Variants in BICRAL observed in about 807,000 individuals in gnomAD.
The protein encoded by BICRAL is BICRA like chromatin remodeling complex associated protein.
In BICRAL, 8 loss-of-function variants were observed where a neutral mutation model predicts 91.8. The ratio of observed to expected loss-of-function variants is 0.09; its 90% CI spans 0.05 to 0.16. BICRAL has a LOEUF of 0.16. BICRAL is among the 10% of genes least tolerant of loss of function. The pLI is 1.00. For synonymous variants in BICRAL, 445 were observed against 491.1 expected (o/e 0.91, Z 1.24); for missense variants, 1,038 against 1,310.9 (o/e 0.79, Z 3.21).
intron 6 of BICRAL, among the ~76,000 whole-genome samples, chr6:42,841,276 C>T (rs1764790918): frequency 6.7e-6 from 1 of 149,830 alleles, no homozygotes. Flanking sequence ...GCAACCTCCA[C>T]CTCCCGGGTT....
chr6:42,773,619 A>T (rs1762772190), intron 1 of BICRAL, among the ~76,000 whole-genome samples: 1 of 152,066 alleles, frequency 6.6e-6, no homozygotes, highest in Non-Finnish European at 1.5e-5. Flanking sequence ...GGTTCAAGCG[A>T]TTCTCATGCC....
In BICRAL at chr6:42,763,907, A is replaced by AT. The variant is rs1762593856; in HGVS notation, c.-261+16886dup. Among the ~76,000 whole-genome samples, 3 of 135,054 alleles carry AT rather than the reference A, an allele frequency of 2.2e-5. No individual in the cohort carries two copies. The Admixed American group carries it at 2.3e-4, about 10-fold the overall frequency. 88.6% of individuals were successfully genotyped at this position (135,054 alleles called of 152,430 possible). A position where few individuals can be genotyped will look rare whatever the true frequency, so the allele number is the denominator to read the frequency against. ...TGAGGTCATGAAATGCATTTAGTGC[A>AT]TTAAAAAAAAAAAAAAAAGACAAAA... On this transcript the variant is annotated intron_variant, in intron 1 of 14. Coordinates refer to the BICRAL transcript ENST00000614467.
intron 6 of BICRAL, among the ~76,000 whole-genome samples, chr6:42,838,817 C>T (rs1055060272): frequency 2.0e-5 from 3 of 151,934 alleles, no homozygotes; most frequent in Admixed American, 6.6e-5. Context: ...AAAAATTAGC[C>T]GGGTGTGGTG....
rs1249793040 is a variant in BICRAL, at chr6:42,747,521, C to T, written c.-261+498C>T. On this transcript the variant is annotated intron_variant, in intron 1 of 14. Coordinates refer to the BICRAL transcript ENST00000614467. ...ATCTCCCATTTTCACGCCCCACTCT[C>T]TTCCTTTCCTTCCCACTTAAAACAA... 3.9e-5 allele frequency among the ~76,000 whole-genome samples: 6 copies of T among 152,230 alleles called. No individual in the cohort carries two copies. In the East Asian group the frequency reaches 1.2e-3, roughly 29 times the overall value.
At chr6:42,826,742 C>G (rs545985076) in intron 5 of BICRAL, among the ~76,000 whole-genome samples, 2 of 151,990 alleles carry the variant, frequency 1.3e-5, no homozygotes, top group East Asian at 3.9e-4. Context: ...GCCATGTAAC[C>G]TTAGATATAT....
intron 1 of BICRAL, among the ~76,000 whole-genome samples, chr6:42,795,447 ATATC>A (rs1490205594): frequency 1.3e-5 from 2 of 152,192 alleles, no homozygotes; most frequent in African/African-American, 2.4e-5. Flanking sequence ...AAATAAATAA[ATATC>A]TATAAATAAA....
chr6:42,862,458 C>T (rs1765581147), intron 11 of BICRAL, 52 bp from the exon 12 acceptor site: 1 of 1,197,898 alleles, frequency 8.3e-7, no homozygotes. Flanking sequence ...TTTCCAAAAG[C>T]AACCATTTTT....
At chr6:42,750,006 C>T (rs1249988862) in intron 1 of BICRAL, among the ~76,000 whole-genome samples, 1 of 152,004 alleles carries the variant, frequency 6.6e-6, no homozygotes, top group African/African-American at 2.4e-5. Flanking sequence ...AGGTGCCCAC[C>T]ACCACGCCCG....
chr6:42,826,812 G>C (rs1270989034), intron 5 of BICRAL, among the ~76,000 whole-genome samples: 1 of 151,302 alleles, frequency 6.6e-6, no homozygotes, highest in African/African-American at 2.4e-5. Flanking sequence ...TTGAGACAAA[G>C]TTTCGCTCTT....
chr6:42,851,146 C>T (rs923764975), intron 6 of BICRAL, among the ~76,000 whole-genome samples: 1 of 152,168 alleles, frequency 6.6e-6, no homozygotes, highest in Non-Finnish European at 1.5e-5. Flanking sequence ...GATCGTGCCA[C>T]TGCACTCCAG....
upstream of BICRAL, among the ~76,000 whole-genome samples, chr6:42,781,596 GGTGTGT>G (rs61437847): frequency 1.9e-5 from 2 of 103,478 alleles, no homozygotes; most frequent in Admixed American, 2.1e-4. Context: ...TGGGTGGGTG[GGTGTGT>G]GTGTGTGTGT....
chr6:42,824,614 C>T (rs1764237562), intron 5 of BICRAL, among the ~76,000 whole-genome samples: 1 of 152,224 alleles, frequency 6.6e-6, no homozygotes, highest in South Asian at 2.1e-4. Flanking sequence ...TGAGCCACTG[C>T]ACCTGGCCTC....
chr6:42,775,121 C>G (rs930814356), intron 1 of BICRAL, among the ~76,000 whole-genome samples: 1 of 152,110 alleles, frequency 6.6e-6, no homozygotes, highest in African/African-American at 2.4e-5. Flanking sequence ...TTGGTAGAGA[C>G]AGGGTTTCAC....
intron 6 of BICRAL, among the ~76,000 whole-genome samples, chr6:42,839,154 T>C (rs1194244239): frequency 6.6e-6 from 1 of 151,914 alleles, no homozygotes; most frequent in East Asian, 1.9e-4. Context: ...GAGCTGAGAT[T>C]GTGCCATTAC....
At chr6:42,819,446 T>G (rs1387846191) in intron 2 of BICRAL, among the ~76,000 whole-genome samples, 3 of 151,618 alleles carry the variant, frequency 2.0e-5, no homozygotes, top group African/African-American at 7.3e-5. Context: ...CCACCATGCC[T>G]GGCTAATTTT....
chr6:42,831,058 A>G (rs1236008925), intron 6 of BICRAL, among the ~76,000 whole-genome samples: 1 of 152,224 alleles, frequency 6.6e-6, no homozygotes, highest in Non-Finnish European at 1.5e-5. Context: ...AATGGGGATA[A>G]TGATACTGCC....
Position 42,829,680 on chromosome 6 carries a change from C to T in BICRAL, c.1347C>T (p.Ser449=). 1 of 1,614,232 alleles carries T rather than the reference C, an allele frequency of 6.2e-7. No homozygotes were observed. The highest frequency in any genetic ancestry group is 8.5e-7 in the Non-Finnish European group (1 of 1,180,040). ...ATGTCATGTTGAACAGAAACTCTTC[C>T]AACATGCTCAGGACCAACCAACCAT... ...SEHVMLNRNS[S]NMLRTNQPYT... is the part of the protein sequence containing the mutation. The change falls in exon 6 of 13, where the codon TCC becomes TCT. Residue 449 remains serine (S), a synonymous_variant. Coordinates refer to ENST00000314073, the MANE Select transcript of BICRAL (RefSeq NM_001393499.1).
At chr6:42,844,051 C>T (rs566370113) in intron 6 of BICRAL, among the ~76,000 whole-genome samples, 53 of 150,054 alleles carry the variant, frequency 3.5e-4, no homozygotes, top group Admixed American at 2.1e-3. Context: ...ATCCGCCCGC[C>T]TCGGCCTCCT....
chr6:42,774,593 G>T (rs1228439851), intron 1 of BICRAL, among the ~76,000 whole-genome samples: 1 of 151,764 alleles, frequency 6.6e-6, no homozygotes, highest in Non-Finnish European at 1.5e-5. Context: ...TTGATTGTAT[G>T]ATTTATAGTG....
Sources: allele counts gnomAD v4.1 joint callset (sites outside exome capture counted in the v4.1 genomes callset), GRCh38; gene constraint gnomAD v4.1.1; transcripts MANE v1.5; gene names NCBI Gene and HGNC (gene_info 2026-07-23, HGNC 2026-07-21).